TJP2: variants seen among roughly 807,000 people sequenced by gnomAD.
TJP2 encodes the protein tight junction protein 2.
Under a neutral mutation model 133.1 loss-of-function variants are expected in TJP2, and 91 were observed. The ratio of observed to expected loss-of-function variants is 0.68; its 90% CI spans 0.58 to 0.81. The LOEUF (loss-of-function observed/expected upper bound fraction) is 0.81. Among genes scored for constraint, TJP2 ranks in the 40% least tolerant of loss-of-function variants. The pLI, the probability that TJP2 is intolerant of heterozygous loss-of-function variation, is 0.00. For missense variants in TJP2, 1,541 were observed against 1,565.6 expected, an observed-to-expected ratio of 0.98 and a Z score of 0.26; for synonymous variants, 592 against 583.4, an observed-to-expected ratio of 1.01 and a Z score of -0.21.
At position 69,236,979 on chromosome 9, in the gene TJP2, C is replaced by T. The variant is rs915188936; in HGVS notation, c.2022C>T (p.Ala674=). The T allele has an allele frequency of 8.7e-6, 14 of 1,613,988 alleles. No individual in the cohort carries two copies. The highest frequency in any genetic ancestry group is 1.3e-5 in the African/African-American group (1 of 74,878). ...RAEQMASVQN[A]QRDNAGDRAD... Reference sequence around the variant, plus strand: ...AACAAATGGCCAGTGTTCAAAATGCCCAGAGAGACAACGCTGGGGACCGGG... The same window carrying T: ...AACAAATGGCCAGTGTTCAAAATGCTCAGAGAGACAACGCTGGGGACCGGG... Residue 674 remains alanine, a synonymous_variant, in exon 14 of 23, where the codon GCC becomes GCT. Coordinates refer to ENST00000377245, the MANE Select transcript of TJP2 (RefSeq NM_004817.4).
rs1244822405 is a variant in TJP2, at chr9:69,127,321, A to G, written c.-131+5596A>G. Among the ~76,000 whole-genome samples, 8 of 75,262 alleles carry G rather than the reference A, an allele frequency of 1.1e-4. 4 individuals carry two copies. The highest frequency in any genetic ancestry group is 2.4e-4 in the Non-Finnish European group (8 of 32,864). 49.4% of individuals were successfully genotyped at this position (75,262 alleles called of 152,430 possible). A position where few individuals can be genotyped will look rare whatever the true frequency, so the allele number is the denominator to read the frequency against. On this transcript the variant is annotated intron_variant, in intron 1 of 5. Transcript: ENST00000423935. ...CCTGACCTCGTGATCCGCCTGCCTC[A>G]GCCTCCCAAAGTGTTGGAATTACAG...
intron 2 of TJP2, among the ~76,000 whole-genome samples, chr9:69,152,336 G>A (rs1587916277): frequency 6.6e-6 from 1 of 152,310 alleles, no homozygotes; most frequent in East Asian, 1.9e-4. Context: ...TTTGACAGAT[G>A]TGGGATGCAT....
chr9:69,248,171 G>C lies in TJP2; in HGVS notation c.2827G>C (p.Glu943Gln), dbSNP rs751664727. The C allele has an allele frequency of 1.2e-6, 2 of 1,613,488 alleles. No individual in the cohort carries two copies. Among genetic ancestry groups the C allele is most frequent in the Non-Finnish European group, 1.7e-6 (2 of 1,179,702 alleles). ...CAATGAGCTGGATGAGCCAGCCGAG[G>C]AGCCGCTGGTGTCGTCCATCACCCG... ...TDNELDEPAE[E>Q]PLVSSITRSS... The change falls in exon 19 of 23, where the codon GAG becomes CAG. Residue 943 changes from glutamate to glutamine, a missense_variant. Glu to Gln is a conservative substitution (Grantham distance 29). Coordinates refer to ENST00000377245, the MANE Select transcript of TJP2 (RefSeq NM_004817.4).
chr9:69,130,323 A>T (rs1465675486), intron 1 of TJP2, among the ~76,000 whole-genome samples: 5 of 152,204 alleles, frequency 3.3e-5, no homozygotes, highest in African/African-American at 1.2e-4. Context: ...AGCTGGATTT[A>T]GAAAAAGAAA....
chr9:69,241,027 G>T (rs1830547582), intron 17 of TJP2, among the ~76,000 whole-genome samples: 1 of 152,120 alleles, frequency 6.6e-6, no homozygotes, highest in Non-Finnish European at 1.5e-5. Flanking sequence ...ATTATAGACA[G>T]GACAAGACTG....
intron 19 of TJP2, 137 bp from the exon 20 acceptor site, chr9:69,249,238 T>C: frequency 2.0e-6 from 3 of 1,500,968 alleles, no homozygotes; most frequent in South Asian, 2.6e-5. Context: ...GGTTTCTGCC[T>C]GTTCAGTAAA....
chr9:69,246,512 T>G, intron 17 of TJP2, 178 bp from the exon 18 acceptor site: 7 of 640,316 alleles, frequency 1.1e-5, no homozygotes, highest in East Asian at 5.9e-5. Context: ...AGCTACATGA[T>G]TAGTAGTTTT....
chr9:69,238,821 A>G, intron 16 of TJP2, 32 bp downstream of exon 16: 5 of 1,506,904 alleles, frequency 3.3e-6, no homozygotes, highest in Non-Finnish European at 1.8e-6. Context: ...CCGTGTTTTC[A>G]GAAAGAATTA....
intron 11 of TJP2, among the ~76,000 whole-genome samples, 185 bp from the exon 12 acceptor site, chr9:69,234,254 C>T (rs1354503558): frequency 2.6e-5 from 4 of 152,164 alleles, no homozygotes; most frequent in South Asian, 2.1e-4. Context: ...AGGTGCTGGG[C>T]GCGAGGACTT....
At chr9:69,249,011 A>G (rs1392994780) in intron 19 of TJP2, 3 of 995,416 alleles carry the variant, frequency 3.0e-6, no homozygotes, top group Middle Eastern at 5.1e-4. Context: ...AACAAACTGA[A>G]GGGGGAGAAA....
chr9:69,213,931 G>A (rs557061238), intron 2 of TJP2, among the ~76,000 whole-genome samples: 65 of 152,230 alleles, frequency 4.3e-4, no homozygotes, highest in Non-Finnish European at 8.1e-4. Flanking sequence ...TTGTAATTGT[G>A]TATAATCAGT....
intron 1 of TJP2, among the ~76,000 whole-genome samples, chr9:69,142,884 C>G (rs1823070017): frequency 6.6e-6 from 1 of 152,126 alleles, no homozygotes; most frequent in Admixed American, 6.5e-5. Flanking sequence ...CAGTTATAAA[C>G]AATTTCTAGA....
chr9:69,170,168 C>T (rs867318480), upstream of TJP2, among the ~76,000 whole-genome samples: 1 of 151,986 alleles, frequency 6.6e-6, no homozygotes, highest in African/African-American at 2.4e-5. Context: ...TTTCAGAGAC[C>T]TTATATATTG....
intron 1 of TJP2, among the ~76,000 whole-genome samples, chr9:69,138,016 A>G (rs1026044771): frequency 3.3e-5 from 5 of 152,152 alleles, no homozygotes; most frequent in African/African-American, 9.7e-5. Context: ...GGTCAGAGGC[A>G]TGCTTGACTT....
intron 6 of TJP2, 125 bp from the exon 7 acceptor site, chr9:69,225,897 A>T: frequency 9.9e-7 from 1 of 1,014,536 alleles, no homozygotes; most frequent in Non-Finnish European, 1.5e-6. Context: ...TTATTGAGTC[A>T]TCCTAAAGCC....
At chr9:69,249,852 A>T (rs1181393152) in intron 20 of TJP2, 2 of 632,628 alleles carry the variant, frequency 3.2e-6, no homozygotes, top group African/African-American at 4.0e-5. Flanking sequence ...TTTTCTGCCC[A>T]GTCTGATTTA....
intron 2 of TJP2, among the ~76,000 whole-genome samples, chr9:69,154,166 C>G (rs1221928117): frequency 6.6e-6 from 1 of 152,184 alleles, no homozygotes; most frequent in Non-Finnish European, 1.5e-5. Flanking sequence ...TATTTCTATA[C>G]TAATTCTACA....
At chr9:69,174,909 G>GTTT (rs35641843) in intron 1 of TJP2, among the ~76,000 whole-genome samples, 1 of 139,256 alleles carries the variant, frequency 7.2e-6, no homozygotes, top group Non-Finnish European at 1.5e-5. Context: ...AGTAAAAGTT[G>GTTT]TTTTTTTTTT....
At chr9:69,230,861 C>A (rs1002204840) in intron 11 of TJP2, among the ~76,000 whole-genome samples, 1 of 152,120 alleles carries the variant, frequency 6.6e-6, no homozygotes, top group Non-Finnish European at 1.5e-5. Context: ...TGGAAGATAA[C>A]AAATAGCTGC....
Sources: allele counts gnomAD v4.1 joint callset (sites outside exome capture counted in the v4.1 genomes callset), GRCh38; gene constraint gnomAD v4.1.1; transcripts MANE v1.5; gene names NCBI Gene and HGNC (gene_info 2026-07-23, HGNC 2026-07-21).